Variants in GRIK5 observed in about 807,000 individuals in gnomAD.
The protein encoded by GRIK5 is glutamate receptor ionotropic, kainate 5.
A neutral mutation model predicts 97.4 loss-of-function variants in GRIK5; 43 were observed. The ratio of observed to expected loss-of-function variants is 0.44; its 90% CI spans 0.35 to 0.57. GRIK5 has a LOEUF of 0.57. GRIK5 is among the 20% of genes least tolerant of loss of function. GRIK5 has a pLI of 0.01. For synonymous variants in GRIK5, 580 were observed against 583.5 expected (o/e 0.99, Z 0.09); for missense variants, 1,015 against 1,382.0 (o/e 0.73, Z 4.21).
At chr19:42,032,775 A>G (rs1254963084) in intron 12 of GRIK5, among the ~76,000 whole-genome samples, 1 of 152,074 alleles carries the variant, frequency 6.6e-6, no homozygotes, top group Non-Finnish European at 1.5e-5. Flanking sequence ...CAAACCCCAT[A>G]GTCACCCCGA....
chr19:42,058,076 C>T lies in GRIK5; in HGVS notation c.688-1098G>A, dbSNP rs113387983. Among the ~76,000 whole-genome samples, 299 of 152,324 alleles carry T rather than the reference C, an allele frequency of 2.0e-3. 4 individuals are homozygous for T. The highest frequency in any genetic ancestry group is 6.9e-3 in the African/African-American group (285 of 41,566). On this transcript the variant is annotated intron_variant, in intron 6 of 19. Coordinates refer to ENST00000593562, the MANE Select transcript of GRIK5 (RefSeq NM_002088.5). The stretch of plus-strand genomic sequence containing the variant: ...GATCCCAGCCCAGGCCTGCCTGGCT[C>T]CCAAACCTGAAACCTCCTCCTTAAG...
chr19:42,001,692 T>C, intron 19 of GRIK5: 1 of 180,512 alleles, frequency 5.5e-6, no homozygotes, highest in Non-Finnish European at 1.2e-5. Flanking sequence ...AACATGACTA[T>C]GACCTCATCA....
chr19:42,011,307 C>T (rs1168600828), intron 15 of GRIK5, among the ~76,000 whole-genome samples: 1 of 151,832 alleles, frequency 6.6e-6, no homozygotes, highest in Non-Finnish European at 1.5e-5. Flanking sequence ...AATCCCAGCA[C>T]TTTGGGAGGC....
chr19:42,048,492 C>A (rs2076071433), intron 11 of GRIK5, among the ~76,000 whole-genome samples: 2 of 152,040 alleles, frequency 1.3e-5, no homozygotes, highest in Admixed American at 1.3e-4. Flanking sequence ...TGGTGGCAGG[C>A]GCCTGTAGTC....
At chr19:42,028,513 C>G (rs1046316685) in intron 12 of GRIK5, among the ~76,000 whole-genome samples, 1 of 152,258 alleles carries the variant, frequency 6.6e-6, no homozygotes, top group Non-Finnish European at 1.5e-5. Flanking sequence ...CTGGCAGCAT[C>G]GTTTCTTCTC....
intron 8 of GRIK5, among the ~76,000 whole-genome samples, chr19:42,055,217 G>A (rs540803246): frequency 4.6e-5 from 7 of 152,314 alleles, no homozygotes; most frequent in South Asian, 2.1e-4. Context: ...GTTAGGGTGT[G>A]CCCCAGCTGT....
intron 12 of GRIK5, among the ~76,000 whole-genome samples, chr19:42,028,341 T>C (rs2075797013): frequency 6.6e-6 from 1 of 152,030 alleles, no homozygotes; most frequent in Non-Finnish European, 1.5e-5. Context: ...TCCCAACCCA[T>C]CCTGTATACC....
intron 15 of GRIK5, among the ~76,000 whole-genome samples, chr19:42,010,421 G>T (rs1173546441): frequency 2.0e-5 from 3 of 152,150 alleles, no homozygotes; most frequent in Non-Finnish European, 4.4e-5. Flanking sequence ...CTTAAAAGCA[G>T]CTAGAAGGGG....
chr19:42,058,558 T>G (rs896149906), intron 6 of GRIK5, among the ~76,000 whole-genome samples: 1 of 148,704 alleles, frequency 6.7e-6, no homozygotes, highest in African/African-American at 2.5e-5. Context: ...CCGGGTGTGG[T>G]GGCTCACGCC....
intron 15 of GRIK5, among the ~76,000 whole-genome samples, chr19:42,019,825 T>C (rs2075675270): frequency 6.6e-6 from 1 of 152,230 alleles, no homozygotes; most frequent in Non-Finnish European, 1.5e-5. Flanking sequence ...CAGAAGGAAC[T>C]AGCCCTGCCA....
Position 42,062,743 on chromosome 19 carries a change from CA to C in GRIK5, c.342+14del, listed in dbSNP as rs752489879. 2.4e-5 allele frequency: 38 copies of C among 1,612,616 alleles called. No individual in the cohort carries two copies. The Admixed American group carries it at 6.2e-4, about 26-fold the overall frequency. The stretch of plus-strand genomic sequence containing the variant: ...CCGCTCCCCACAAAGCGCCGGCCCA[CA>C]CTCCCCATCTCACCTCCTTCTCTCC... On this transcript the variant is annotated intron_variant, in intron 4 of 19. Coordinates refer to ENST00000593562, the MANE Select transcript of GRIK5 (RefSeq NM_002088.5). This position sits in a 1 kb window ranked among gnomAD's most constrained non-coding sequence, Gnocchi z 5.3.
intron 15 of GRIK5, among the ~76,000 whole-genome samples, chr19:42,014,602 G>A (rs1169533176): frequency 2.0e-5 from 3 of 151,952 alleles, no homozygotes; most frequent in Non-Finnish European, 4.4e-5. Flanking sequence ...TGCCAACATG[G>A]TGAAACCCTG....
rs377185626 is a variant in GRIK5 at position 42,033,297 on chromosome 19, G to A, written c.1473+9255C>T. On this transcript the variant is annotated intron_variant, in intron 12 of 19. Coordinates refer to ENST00000593562, the MANE Select transcript of GRIK5 (RefSeq NM_002088.5). The stretch of plus-strand genomic sequence containing the variant: ...CATGCCACTGCACTCCAGCCTGGGC[G>A]AGAAAGCAAGACTCCGTCTCAAAAA... Among the ~76,000 whole-genome samples, 361 of 122,344 alleles carry A rather than the reference G, an allele frequency of 3.0e-3. 1 individual carries two copies. The highest frequency in any genetic ancestry group is 0.011 in the African/African-American group (349 of 32,340). 80.3% of individuals were successfully genotyped at this position (122,344 alleles called of 152,430 possible). A position where few individuals can be genotyped will look rare whatever the true frequency, so the allele number is the denominator to read the frequency against.
intron 19 of GRIK5, chr19:42,001,781 C>T (rs1202770210): frequency 2.8e-5 from 7 of 254,210 alleles, no homozygotes; most frequent in African/African-American, 1.6e-4. Context: ...CCAATGGAAG[C>T]TGGCTTTTTA....
intron 15 of GRIK5, among the ~76,000 whole-genome samples, chr19:42,019,826 A>C (rs1482941964): frequency 6.6e-6 from 1 of 152,236 alleles, no homozygotes; most frequent in Non-Finnish European, 1.5e-5. Flanking sequence ...AGAAGGAACT[A>C]GCCCTGCCAG....
chr19:42,068,717 G>T (rs776739896), intron 1 of GRIK5: 1 of 491,556 alleles, frequency 2.0e-6, no homozygotes, highest in Non-Finnish European at 3.7e-6. Flanking sequence ...GAGACATGCC[G>T]AGAGCAACCT....
At chr19:42,001,422 T>G (rs2075422362) in intron 19 of GRIK5, among the ~76,000 whole-genome samples, 1 of 152,124 alleles carries the variant, frequency 6.6e-6, no homozygotes, top group Non-Finnish European at 1.5e-5. Context: ...AGAGACAGGG[T>G]TTCACCATGT....
chr19:42,040,484 C>T (rs1159576012), intron 12 of GRIK5, among the ~76,000 whole-genome samples: 2 of 152,210 alleles, frequency 1.3e-5, no homozygotes, highest in African/African-American at 4.8e-5. Context: ...AGCCTGTGCC[C>T]TCAGGTGGGC....
chr19:42,002,816 A>G lies in GRIK5; in HGVS notation c.2514+516T>C, dbSNP rs1462536666. Among the ~76,000 whole-genome samples, 1 of 152,012 alleles carries G rather than the reference A, an allele frequency of 6.6e-6. No individual in the cohort carries two copies. Among genetic ancestry groups the G allele is most frequent in the Non-Finnish European group, 1.5e-5 (1 of 67,984 alleles). On this transcript the variant is annotated intron_variant, in intron 19 of 19. Coordinates refer to ENST00000593562, the MANE Select transcript of GRIK5 (RefSeq NM_002088.5). This position sits in a 1 kb window ranked among gnomAD's most constrained non-coding sequence, Gnocchi z 5.2. ...AGTGGTGCAATCTCAGCTTACTGCA[A>G]TCTCCACCTCCCGGGTTCAAGCGAT...
Sources: gnomAD v4.1 joint callset for allele counts (sites outside exome capture counted in the v4.1 genomes callset) on GRCh38, gnomAD v4.1.1 for gene constraint, Gnocchi (gnomAD v3.1) non-coding constraint, MANE v1.5 for transcripts, NCBI Gene and HGNC (gene_info 2026-07-23, HGNC 2026-07-21) for gene names.